PRKD3: variants seen among roughly 807,000 people sequenced by gnomAD.
PRKD3 encodes serine/threonine-protein kinase D3.
A neutral mutation model predicts 99.2 loss-of-function variants in PRKD3; 47 were observed. The ratio of observed to expected loss-of-function variants is 0.47; its 90% confidence interval spans 0.38 to 0.60. The LOEUF (loss-of-function observed/expected upper bound fraction) is 0.60, where lower values mean the gene tolerates loss of function less well. PRKD3 is among the 20% of genes least tolerant of loss of function. The pLI, the probability that PRKD3 is intolerant of heterozygous loss-of-function variation, is 0.00. For synonymous variants in PRKD3, 392 were observed against 355.4 expected (o/e 1.10, Z -1.16); for missense variants, 1,019 against 1,088.4 (o/e 0.94, Z 0.90).
At chr2:37,269,552 T>C in intron 13 of PRKD3, 63 bp downstream of exon 13, 1 of 1,397,694 alleles carries the variant, frequency 7.2e-7, no homozygotes, top group Non-Finnish European at 1.0e-6. Context: ...AGCTGGCAGA[T>C]GTTTTACATT....
intron 13 of PRKD3, chr2:37,269,114 T>C (rs911226140): frequency 2.4e-5 from 4 of 164,288 alleles, no homozygotes; most frequent in Non-Finnish European, 5.4e-5. Context: ...GGTCAGGTTT[T>C]ATTAGTTCCA....
chr2:37,287,280 GAAAAAGAAAAAT>G (rs1670161516), intron 5 of PRKD3, among the ~76,000 whole-genome samples: 1 of 99,652 alleles, frequency 1.0e-5, no homozygotes, highest in African/African-American at 4.3e-5. Context: ...AAAAGAAAAA[GAAAAAGAAAAAT>G]ACCTGCCTAC....
chr2:37,281,341 C>G (rs1372148545), intron 7 of PRKD3, among the ~76,000 whole-genome samples: 2 of 152,152 alleles, frequency 1.3e-5, no homozygotes, highest in East Asian at 3.8e-4. Context: ...TATACTAATT[C>G]AGATTAACCG....
chr2:37,292,300 G>A (rs528723930), intron 3 of PRKD3, among the ~76,000 whole-genome samples: 4 of 151,556 alleles, frequency 2.6e-5, no homozygotes, highest in East Asian at 3.9e-4. Flanking sequence ...AATTTCCTAA[G>A]CTTAGTAACA....
intron 9 of PRKD3, among the ~76,000 whole-genome samples, chr2:37,277,293 A>C (rs957577415): frequency 6.6e-6 from 1 of 152,202 alleles, no homozygotes; most frequent in Non-Finnish European, 1.5e-5. Context: ...ACAAAAGCAT[A>C]AAGAAACTAA....
intron 13 of PRKD3, chr2:37,268,915 C>A (rs1365348784): frequency 6.5e-6 from 1 of 152,930 alleles, no homozygotes; most frequent in Non-Finnish European, 1.5e-5. Flanking sequence ...ATACTAATAT[C>A]AGATGTGAAT....
At chr2:37,311,303 C>G (rs1373175668) in intron 2 of PRKD3, among the ~76,000 whole-genome samples, 1 of 152,268 alleles carries the variant, frequency 6.6e-6, no homozygotes, top group East Asian at 1.9e-4. Context: ...GTCATTTTAT[C>G]ATATTGTACC....
intron 10 of PRKD3, 113 bp from the exon 11 acceptor site, chr2:37,274,810 A>G (rs950998425): frequency 2.0e-6 from 2 of 1,022,334 alleles, no homozygotes; most frequent in Non-Finnish European, 2.8e-6. Context: ...GACGGACACA[A>G]GTATGCAACA....
chr2:37,310,835 T>C (rs1671394104), intron 2 of PRKD3, among the ~76,000 whole-genome samples: 1 of 152,210 alleles, frequency 6.6e-6, no homozygotes, highest in Non-Finnish European at 1.5e-5. Context: ...TTGATCAGCA[T>C]TATTTTGTAA....
intron 9 of PRKD3, among the ~76,000 whole-genome samples, chr2:37,277,566 C>T (rs1338333204): frequency 6.6e-6 from 1 of 152,042 alleles, no homozygotes; most frequent in East Asian, 1.9e-4. Context: ...GTCTTAGTTC[C>T]TTCTATCTCT....
Position 37,324,705 on chromosome 2 carries a change from G to A in PRKD3, c.-680C>T, listed in dbSNP as rs897057755. ...CAGTGGCAGGCTCGGCCCGTCGTGA[G>A]AAACTGCGCCCGCCAGCGTCTGAGT... On this transcript the variant is annotated 5_prime_UTR_variant, in exon 1 of 19. Transcript: ENST00000234179. The A allele has an allele frequency of 1.6e-4, 24 of 150,684 alleles. No homozygotes were observed. Among genetic ancestry groups the A allele is most frequent in the Admixed American group, 4.6e-4 (7 of 15,184 alleles). The allele number at this position is 150,684 out of a possible 1,614,324, so 9.3% of individuals were successfully genotyped here.
chr2:37,260,091 G>A lies in PRKD3; in HGVS notation c.2046+132C>T, dbSNP rs1572613979. 23 of 762,082 alleles carry A rather than the reference G, an allele frequency of 3.0e-5. No individual in the cohort carries two copies. The East Asian group carries it at 5.7e-4, about 19-fold the overall frequency. 47.2% of individuals were successfully genotyped at this position (762,082 alleles called of 1,614,324 possible). ...GAGGCATGAGAATCACTTGAATCCA[G>A]GAGGCAGAGGTTGCAGTGAGCCAGA... is the stretch of plus-strand genomic sequence containing the variant. On this transcript the variant is annotated intron_variant, in intron 15 of 18. Transcript: ENST00000234179.
chr2:37,286,099 G>A lies in PRKD3; in HGVS notation c.910+78C>T, dbSNP rs904769031. On this transcript the variant is annotated intron_variant, in intron 6 of 18. Coordinates refer to ENST00000234179, the MANE Select transcript of PRKD3 (RefSeq NM_005813.6). ...AATAATTTCTTTGGCTAATGCTTCT[G>A]AAATATAAATATTTTAAGCCTATAT... 5.0e-6 allele frequency: 6 copies of A among 1,196,238 alleles called. No individual in the cohort carries two copies. In the African/African-American group the frequency reaches 9.4e-5, roughly 19 times the overall value. The allele number at this position is 1,196,238 out of a possible 1,614,324, so 74.1% of individuals were successfully genotyped here. A position where few individuals can be genotyped will look rare whatever the true frequency, so the allele number is the denominator to read the frequency against.
intron 6 of PRKD3, among the ~76,000 whole-genome samples, chr2:37,283,994 T>C (rs78162741): frequency 0.022 from 3,393 of 152,190 alleles, 56 homozygotes; most frequent in Middle Eastern, 0.055. Flanking sequence ...TAGTTCTCTA[T>C]GTCCTTACCC....
At chr2:37,294,480 C>G (rs1319528570) in intron 2 of PRKD3, among the ~76,000 whole-genome samples, 1 of 151,936 alleles carries the variant, frequency 6.6e-6, no homozygotes, top group Non-Finnish European at 1.5e-5. Context: ...GTTTTTGTAA[C>G]CAGGGTAAAT....
chr2:37,286,610 A>T (rs1670107532), intron 5 of PRKD3, among the ~76,000 whole-genome samples: 2 of 152,218 alleles, frequency 1.3e-5, no homozygotes, highest in Non-Finnish European at 2.9e-5. Context: ...TCAGGTATAT[A>T]TTCACTGATG....
intron 2 of PRKD3, among the ~76,000 whole-genome samples, chr2:37,299,550 A>G (rs932223924): frequency 3.3e-4 from 41 of 122,730 alleles, no homozygotes; most frequent in Non-Finnish European, 7.1e-4. Flanking sequence ...ACACACACAC[A>G]CACACACACA....
intron 14 of PRKD3, among the ~76,000 whole-genome samples, chr2:37,262,681 TC>T (rs3836069): frequency 0.25 from 37,954 of 151,714 alleles, 5,287 homozygotes; most frequent in East Asian, 0.48. Flanking sequence ...CTATGCTTTT[TC>T]CCCCCTGCCC....
Position 37,260,232 on chromosome 2 carries a change from C to G in PRKD3, c.2037G>C (p.Met679Ile), listed in dbSNP as rs756354809. The change falls in exon 15 of 19, where the codon ATG becomes ATC. Residue 679 changes from methionine (M) to isoleucine (I), a missense_variant. Met to Ile is a conservative substitution (Grantham distance 10). Coordinates refer to ENST00000234179, the MANE Select transcript of PRKD3 (RefSeq NM_005813.6). ...SRLPERITKF[M>I]VTQILVALRN... ...AAAGGAGTTAAAATACCTGTGTGAC[C>G]ATGAATTTAGTAATTCGTTCTGGAA... is the stretch of plus-strand genomic sequence containing the variant. 6.2e-7 allele frequency: 1 copy of G among 1,608,616 alleles called. No homozygotes were observed.
Sources: gnomAD v4.1 joint callset for allele counts (sites outside exome capture counted in the v4.1 genomes callset) on GRCh38, gnomAD v4.1.1 for gene constraint, MANE v1.5 for transcripts, NCBI Gene and HGNC (gene_info 2026-07-23, HGNC 2026-07-21) for gene names.